Variants in RPS6KA2 observed in about 807,000 individuals in gnomAD.
RPS6KA2 encodes ribosomal protein S6 kinase A2, also known as ribosomal protein S6 kinase alpha-2.
A neutral mutation model predicts 91.8 loss-of-function variants in RPS6KA2; 42 were observed. That is an observed-to-expected ratio of 0.46 (90% CI 0.36 to 0.59). RPS6KA2 has a LOEUF of 0.59. Ranked by LOEUF, RPS6KA2 falls within the 20% of genes least tolerant of loss-of-function variation. The probability of loss-of-function intolerance (pLI) is 0.00; values close to 1 mark genes in which losing one functional copy is unlikely to be tolerated. For synonymous variants in RPS6KA2, 414 were observed against 393.6 expected, an observed-to-expected ratio of 1.05 and a Z score of -0.61; for missense variants, 798 against 978.5, an observed-to-expected ratio of 0.82 and a Z score of 2.46.
Position 166,563,391 on chromosome 6 carries a change from C to T in RPS6KA2, c.100-24607G>A, listed in dbSNP as rs1040561238. Among the ~76,000 whole-genome samples, 1 of 152,208 alleles carries T rather than the reference C, an allele frequency of 6.6e-6. No individual in the cohort carries two copies. On this transcript the variant is annotated intron_variant, in intron 1 of 20. Coordinates refer to ENST00000265678, the MANE Select transcript of RPS6KA2 (RefSeq NM_021135.6). This position sits in a 1 kb window ranked among gnomAD's most constrained non-coding sequence, Gnocchi z 4.1. The stretch of plus-strand genomic sequence containing the variant: ...GCTTTTCCTCCCAGTCTCCTGGGCT[C>T]GCCGCCAGCGGTGGGATCCCTCTTC...
intron 2 of RPS6KA2, among the ~76,000 whole-genome samples, chr6:166,768,864 G>A (rs1238271619): frequency 1.3e-5 from 2 of 152,232 alleles, no homozygotes. Context: ...CCTAAAGGCA[G>A]TGGAGGGGAT....
intron 2 of RPS6KA2, among the ~76,000 whole-genome samples, chr6:166,841,999 A>G (rs1322855961): frequency 6.6e-6 from 1 of 152,158 alleles, no homozygotes; most frequent in Non-Finnish European, 1.5e-5. Context: ...TCGAGCGAAC[A>G]AAAGCCAGTG....
At chr6:166,438,356 T>C (rs1177439783) in intron 14 of RPS6KA2, among the ~76,000 whole-genome samples, 1 of 152,124 alleles carries the variant, frequency 6.6e-6, no homozygotes, top group African/African-American at 2.4e-5. Context: ...CTCACGTGAG[T>C]ACAGACTGGA....
At chr6:166,461,049 C>T (rs973230073) in intron 11 of RPS6KA2, among the ~76,000 whole-genome samples, 6 of 152,014 alleles carry the variant, frequency 3.9e-5, no homozygotes, top group African/African-American at 1.2e-4. Flanking sequence ...ACAGCTACTG[C>T]AGGAGGGCGA....
intron 1 of RPS6KA2, among the ~76,000 whole-genome samples, chr6:166,548,677 T>C (rs114615178): frequency 1.9e-3 from 291 of 152,250 alleles, no homozygotes; most frequent in African/African-American, 6.8e-3. Context: ...TCTTATACAA[T>C]AATTAACTGA....
At chr6:166,516,590 G>A (rs1782649790) in intron 3 of RPS6KA2, among the ~76,000 whole-genome samples, 1 of 152,236 alleles carries the variant, frequency 6.6e-6, no homozygotes, top group African/African-American at 2.4e-5. Context: ...ACAGCCAACG[G>A]GGCTGCCATT....
intron 17 of RPS6KA2, among the ~76,000 whole-genome samples, chr6:166,421,500 C>T (rs1390928751): frequency 3.3e-5 from 5 of 152,194 alleles, no homozygotes; most frequent in Non-Finnish European, 5.9e-5. Flanking sequence ...CCCCTAGGGA[C>T]AGCTTTGGAT....
At chr6:166,450,715 G>C in intron 13 of RPS6KA2, among the ~76,000 whole-genome samples, 1 of 151,332 alleles carries the variant, frequency 6.6e-6, no homozygotes. Flanking sequence ...GACCACCCCA[G>C]GGAACACCAT....
At chr6:166,509,003 AGG>A (rs1337027714) in intron 4 of RPS6KA2, among the ~76,000 whole-genome samples, 1 of 152,200 alleles carries the variant, frequency 6.6e-6, no homozygotes, top group Non-Finnish European at 1.5e-5. Context: ...GGCACTGGTG[AGG>A]CACCGCGTGG....
chr6:166,459,549 C>T lies in RPS6KA2; in HGVS notation c.975G>A (p.Thr325=), dbSNP rs771999180. ...HPFFVTIDWN[T]LYRKEIKPPF... ...GTGGCTTGATCTCCTTCCGGTACAG[C>T]GTCTATTAATACAAGGAAAGCAAGA... Residue 325 remains threonine (T), a splice_region_variant and synonymous_variant, in exon 12 of 21, where the codon ACG becomes ACA. Transcript: ENST00000265678. This position sits in a 1 kb window ranked among gnomAD's most constrained non-coding sequence, Gnocchi z 4.9. 65 of 1,611,290 alleles carry T rather than the reference C, an allele frequency of 4.0e-5. No individual in the cohort carries two copies. The East Asian group carries it at 5.6e-4, about 14-fold the overall frequency.
intron 2 of RPS6KA2, among the ~76,000 whole-genome samples, chr6:166,684,042 A>G (rs1304157373): frequency 6.6e-6 from 1 of 152,136 alleles, no homozygotes; most frequent in Non-Finnish European, 1.5e-5. Flanking sequence ...TAACTGGAGG[A>G]GTCTATAAGG....
chr6:166,516,292 A>G (rs138654287), intron 3 of RPS6KA2, among the ~76,000 whole-genome samples: 18 of 152,344 alleles, frequency 1.2e-4, no homozygotes, highest in African/African-American at 3.4e-4. Context: ...CCTGGAATCT[A>G]TTCACTCAGC....
chr6:166,510,395 A>T, intron 3 of RPS6KA2, 38 bp from the exon 4 acceptor site: 1 of 1,377,004 alleles, frequency 7.3e-7, no homozygotes, highest in Non-Finnish European at 1.0e-6. Context: ...ATGAGGCAGG[A>T]AATAAGAGTT....
chr6:166,800,028 G>A (rs1245094910), intron 2 of RPS6KA2, among the ~76,000 whole-genome samples: 3 of 143,284 alleles, frequency 2.1e-5, no homozygotes, highest in Non-Finnish European at 3.1e-5. Context: ...CGTGGAGACC[G>A]TGGGTTCCTT....
At chr6:166,829,472 T>A (rs1780124723) in intron 2 of RPS6KA2, among the ~76,000 whole-genome samples, 2 of 151,096 alleles carry the variant, frequency 1.3e-5, no homozygotes, top group African/African-American at 2.4e-5. Flanking sequence ...GCGCCCGTAG[T>A]CCCAGCTACT....
intron 2 of RPS6KA2, among the ~76,000 whole-genome samples, chr6:166,831,237 C>T (rs977968898): frequency 2.0e-5 from 3 of 152,174 alleles, no homozygotes; most frequent in African/African-American, 7.2e-5. Flanking sequence ...TAAACTTGCT[C>T]AGAGGCAGGT....
At chr6:166,658,515 G>A (rs114640543) in intron 2 of RPS6KA2, among the ~76,000 whole-genome samples, 1,624 of 152,226 alleles carry the variant, frequency 0.011, 33 homozygotes, top group African/African-American at 0.036. Context: ...GGACAGCATC[G>A]GGGGTCAGAG....
Position 166,419,239 on chromosome 6 carries a change from T to C in RPS6KA2, c.1820+643A>G, listed in dbSNP as rs1778642559. Among the ~76,000 whole-genome samples, 1 of 152,206 alleles carries C rather than the reference T, an allele frequency of 6.6e-6. No homozygotes were observed. Among genetic ancestry groups the C allele is most frequent in the Admixed American group, 6.5e-5 (1 of 15,278 alleles). The stretch of plus-strand genomic sequence containing the variant: ...CCTCCATTCAAGTATTTAATAAACG[T>C]AATAGGAACCAGCGGATCTTGTAAG... On this transcript the variant is annotated intron_variant, in intron 18 of 20. Coordinates refer to ENST00000265678, the MANE Select transcript of RPS6KA2 (RefSeq NM_021135.6). The surrounding 1 kb of genome is among the most constrained non-coding windows in gnomAD (Gnocchi z 5.6).
intron 1 of RPS6KA2, among the ~76,000 whole-genome samples, chr6:166,623,713 T>G (rs149246594): frequency 6.6e-6 from 1 of 152,328 alleles, no homozygotes; most frequent in Non-Finnish European, 1.5e-5. Flanking sequence ...CTCTTGGGGA[T>G]GAGGGTCTTG....
Sources: gnomAD v4.1 joint callset for allele counts (sites outside exome capture counted in the v4.1 genomes callset) on GRCh38, gnomAD v4.1.1 for gene constraint, Gnocchi (gnomAD v3.1) non-coding constraint, MANE v1.5 for transcripts, NCBI Gene and HGNC (gene_info 2026-07-23, HGNC 2026-07-21) for gene names.